The following TSPEAR variants were observed in gnomAD, a reference collection of about 807,000 sequenced individuals.
TSPEAR encodes the protein thrombospondin-type laminin G domain and EAR repeat-containing protein.
In TSPEAR, 69 loss-of-function variants were observed where a neutral mutation model predicts 71.6. The observed-to-expected ratio is 0.96, with a 90% CI of 0.79 to 1.18. The LOEUF is 1.18. Ranked by LOEUF, TSPEAR falls within the 50% of genes most tolerant of loss-of-function variation. TSPEAR has a pLI of 0.00. For synonymous variants in TSPEAR, 402 were observed against 387.2 expected, an observed-to-expected ratio of 1.04 and a Z score of -0.45; for missense variants, 971 against 894.9, an observed-to-expected ratio of 1.09 and a Z score of -1.09.
chr21:44,538,962 A>G (rs2053146745), intron 2 of TSPEAR: 2 of 476,790 alleles, frequency 4.2e-6, no homozygotes, highest in Admixed American at 7.0e-5. Flanking sequence ...GTCCCCCAGG[A>G]ACACAACAGA....
At position 44,539,597 on chromosome 21, in the gene TSPEAR, A is replaced by T. The variant is rs782178902; in HGVS notation, c.304-5674T>A. 2.5e-6 allele frequency: 4 copies of T among 1,613,524 alleles called. No homozygotes were observed. In the South Asian group the frequency reaches 4.4e-5, roughly 18 times the overall value. On this transcript the variant is annotated intron_variant, in intron 2 of 11. Coordinates refer to ENST00000323084, the MANE Select transcript of TSPEAR (RefSeq NM_144991.3). Reference sequence around the variant, plus strand: ...GCAGACAGGCTTGCAACGGACGGGCACGCAGCAGGCCTGCTGGCAGGGGGA... The same window carrying T: ...GCAGACAGGCTTGCAACGGACGGGCTCGCAGCAGGCCTGCTGGCAGGGGGA...
chr21:44,620,436 T>A (rs1555933321), intron 1 of TSPEAR, among the ~76,000 whole-genome samples: 1 of 152,254 alleles, frequency 6.6e-6, no homozygotes, highest in Non-Finnish European at 1.5e-5. Context: ...TTCCATTACA[T>A]CTTGGTTATC....
rs2053307833 is a variant in TSPEAR at position 44,546,611 on chromosome 21, A to T, written c.304-12688T>A. Among the ~76,000 whole-genome samples, 1 of 152,240 alleles carries T rather than the reference A, an allele frequency of 6.6e-6. No homozygotes were observed. Among genetic ancestry groups the T allele is most frequent in the South Asian group, 2.1e-4 (1 of 4,834 alleles). On this transcript the variant is annotated intron_variant, in intron 2 of 11. Coordinates refer to ENST00000323084, the MANE Select transcript of TSPEAR (RefSeq NM_144991.3). The surrounding 1 kb of genome is among the most constrained non-coding windows in gnomAD (Gnocchi z 4.4). ...CCAAAGTGCTGGGATTACAGGCATG[A>T]GCCACTGCGCCCGGCCCCTCTTTCA...
At chr21:44,692,160 A>T (rs139554703) in intron 1 of TSPEAR, among the ~76,000 whole-genome samples, 64 of 152,318 alleles carry the variant, frequency 4.2e-4, no homozygotes, top group Non-Finnish European at 5.3e-4. Flanking sequence ...ACACCATTTT[A>T]TGATTTTAAA....
chr21:44,529,793 C>G lies in TSPEAR; in HGVS notation c.790+5G>C. The G allele has an allele frequency of 6.2e-7, 1 of 1,613,702 alleles. No individual in the cohort carries two copies. Among genetic ancestry groups the G allele is most frequent in the Non-Finnish European group, 8.5e-7 (1 of 1,179,888 alleles). Reference sequence around the variant, plus strand: ...GGTGTGGGGGCGGGTGGCCCCCCTACTAACCATAGGGATATTTTAGCACCT... The same window carrying G: ...GGTGTGGGGGCGGGTGGCCCCCCTAGTAACCATAGGGATATTTTAGCACCT... On this transcript the variant is annotated splice_donor_5th_base_variant and intron_variant, in intron 5 of 11. Transcript: ENST00000323084.
chr21:44,622,296 G>C (rs2838600), intron 1 of TSPEAR, among the ~76,000 whole-genome samples: 3 of 151,870 alleles, frequency 2.0e-5, no homozygotes, highest in Non-Finnish European at 4.4e-5. Flanking sequence ...TTTTGCTTAC[G>C]CAAGGAATCT....
At chr21:44,672,768 G>C (rs1484839576) in intron 1 of TSPEAR, among the ~76,000 whole-genome samples, 1 of 152,040 alleles carries the variant, frequency 6.6e-6, no homozygotes, top group African/African-American at 2.4e-5. Flanking sequence ...TTGGATCATG[G>C]GGGCAGATTT....
intron 1 of TSPEAR, chr21:44,574,519 C>T: frequency 1.9e-6 from 3 of 1,609,712 alleles, no homozygotes; most frequent in Non-Finnish European, 2.5e-6. Context: ...TGCCAGCAGT[C>T]TAGCTGCCAG....
rs199871554 is a variant in TSPEAR at position 44,697,925 on chromosome 21, C to T, written c.82+13508G>A. On this transcript the variant is annotated intron_variant, in intron 1 of 11. Coordinates refer to ENST00000323084, the MANE Select transcript of TSPEAR (RefSeq NM_144991.3). The stretch of plus-strand genomic sequence containing the variant: ...CCTCCTCTGCCGCCCCACATGTTCC[C>T]GCCTGGCCTGCTGAGGCCTCTGCTC... 301 of 1,612,022 alleles carry T rather than the reference C, an allele frequency of 1.9e-4. No homozygotes were observed. Among genetic ancestry groups the T allele is most frequent in the Admixed American group, 3.8e-4 (23 of 59,950 alleles).
At chr21:44,626,134 T>TTA (rs1555934274) in intron 1 of TSPEAR, among the ~76,000 whole-genome samples, 2 of 152,268 alleles carry the variant, frequency 1.3e-5, no homozygotes, top group East Asian at 3.8e-4. Context: ...ACGTCTTACT[T>TTA]TATAATGAAA....
chr21:44,509,693 C>T (rs959136248), intron 9 of TSPEAR: 22 of 354,234 alleles, frequency 6.2e-5, no homozygotes, highest in African/African-American at 1.5e-4. Flanking sequence ...AGGTGCCAGA[C>T]GTGGCACTCC....
intron 10 of TSPEAR, chr21:44,508,694 C>T: frequency 4.1e-6 from 5 of 1,219,984 alleles, no homozygotes; most frequent in Non-Finnish European, 4.2e-6. Flanking sequence ...ACCCACCCTC[C>T]ATGTTCCCTG....
At chr21:44,538,918 G>T (rs1384844949) in intron 2 of TSPEAR, 1 of 360,252 alleles carries the variant, frequency 2.8e-6, no homozygotes, top group Admixed American at 4.3e-5. Context: ...AATAATCATG[G>T]CTGGAGGAGA....
chr21:44,551,156 C>T (rs2053422419), intron 2 of TSPEAR: 1 of 1,564,214 alleles, frequency 6.4e-7, no homozygotes, highest in South Asian at 1.1e-5. Flanking sequence ...AGCAGACGGG[C>T]ACGCAGCAGG....
At chr21:44,606,982 T>C (rs1178840591) in intron 1 of TSPEAR, among the ~76,000 whole-genome samples, 1 of 152,232 alleles carries the variant, frequency 6.6e-6, no homozygotes, top group African/African-American at 2.4e-5. Flanking sequence ...AAATAATGTG[T>C]TGCATACTTC....
At chr21:44,676,814 A>G (rs2838625) in intron 1 of TSPEAR, 716,871 of 938,710 alleles carry the variant, frequency 0.76, 275,974 homozygotes, top group African/African-American at 0.89. Flanking sequence ...TCAAATGCCC[A>G]CTTTTCTTCC....
chr21:44,670,431 C>T (rs587694131), intron 1 of TSPEAR, among the ~76,000 whole-genome samples: 4 of 140,514 alleles, frequency 2.8e-5, no homozygotes, highest in East Asian at 1.9e-4. Context: ...AGCAAAGAAG[C>T]AACTGGAATT....
intron 1 of TSPEAR, among the ~76,000 whole-genome samples, chr21:44,675,056 C>T (rs1470217568): frequency 6.6e-6 from 1 of 152,058 alleles, no homozygotes; most frequent in Non-Finnish European, 1.5e-5. Flanking sequence ...GAGGAGGGAA[C>T]TCTTCTTAAC....
intron 1 of TSPEAR, among the ~76,000 whole-genome samples, chr21:44,604,910 A>G (rs1045635822): frequency 6.6e-6 from 1 of 152,238 alleles, no homozygotes; most frequent in Admixed American, 6.5e-5. Flanking sequence ...ATGTTGAACC[A>G]TTCTTGCATC....
Sources: gnomAD v4.1 joint callset for allele counts (sites outside exome capture counted in the v4.1 genomes callset) on GRCh38, gnomAD v4.1.1 for gene constraint, Gnocchi (gnomAD v3.1) non-coding constraint, MANE v1.5 for transcripts, NCBI Gene and HGNC (gene_info 2026-07-23, HGNC 2026-07-21) for gene names.